Variants in KLHDC10 observed in about 807,000 individuals in gnomAD.
The protein encoded by KLHDC10 is kelch domain containing 10.
KLHDC10 carries 24 observed loss-of-function variants against 56.1 expected under a neutral mutation model. The observed-to-expected ratio is 0.43, with a 90% confidence interval of 0.31 to 0.60. The LOEUF (loss-of-function observed/expected upper bound fraction) is 0.60, where lower values mean the gene tolerates loss of function less well. KLHDC10 is among the 20% of genes least tolerant of loss of function. KLHDC10 has a pLI of 0.11. For missense variants in KLHDC10, 349 were observed against 567.0 expected (o/e 0.62, Z 3.91); for synonymous variants, 188 against 207.1 (o/e 0.91, Z 0.79).
intron 1 of KLHDC10, among the ~76,000 whole-genome samples, chr7:130,084,589 C>T (rs1330723603): frequency 6.6e-6 from 1 of 151,930 alleles, no homozygotes; most frequent in Admixed American, 6.6e-5. Flanking sequence ...GCCAGCCTGG[C>T]CAACATGGCG....
Position 130,133,288 on chromosome 7 carries a change from T to C in KLHDC10, c.*2542T>C, listed in dbSNP as rs1288475656. 1.3e-5 allele frequency: 2 copies of C among 152,246 alleles called. No individual in the cohort carries two copies. Among genetic ancestry groups the C allele is most frequent in the Non-Finnish European group, 2.9e-5 (2 of 68,048 alleles). 9.4% of individuals were successfully genotyped at this position (152,246 alleles called of 1,614,324 possible). Reference sequence around the variant, plus strand: ...AACCAGCACTCGGAATTCCTGACACTGTTTACTTGATTTAGGAAAGTTTAT... The same window carrying C: ...AACCAGCACTCGGAATTCCTGACACCGTTTACTTGATTTAGGAAAGTTTAT... On this transcript the variant is annotated 3_prime_UTR_variant, in exon 10 of 10. Transcript: ENST00000335420.
At position 130,130,812 on chromosome 7, in the gene KLHDC10, G is replaced by T; in HGVS notation, c.*66G>T. On this transcript the variant is annotated 3_prime_UTR_variant, in exon 10 of 10. Coordinates refer to ENST00000335420, the MANE Select transcript of KLHDC10 (RefSeq NM_014997.4). The surrounding 1 kb of genome is among the most constrained non-coding windows in gnomAD (Gnocchi z 4.2). ...AAAGAGACTCCTTTATTTATGGGCA[G>T]TGTAGAATGTGCTACAAAGAGGATT... is the stretch of plus-strand genomic sequence containing the variant. 1 of 1,445,698 alleles carries T rather than the reference G, an allele frequency of 6.9e-7. No homozygotes were observed. The highest frequency in any genetic ancestry group is 9.7e-7 in the Non-Finnish European group (1 of 1,029,146). The allele number at this position is 1,445,698 out of a possible 1,614,324, so 89.6% of individuals were successfully genotyped here. A position where few individuals can be genotyped will look rare whatever the true frequency, so the allele number is the denominator to read the frequency against.
chr7:130,115,248 A>C (rs1796151695), intron 2 of KLHDC10, among the ~76,000 whole-genome samples: 1 of 152,204 alleles, frequency 6.6e-6, no homozygotes, highest in Admixed American at 6.5e-5. Context: ...CTTTAGGGTC[A>C]CAACTATAGT....
chr7:130,117,514 AAC>A (rs1796183950), intron 3 of KLHDC10: 1 of 175,594 alleles, frequency 5.7e-6, no homozygotes, highest in Non-Finnish European at 1.2e-5. Flanking sequence ...TTGTCATTTC[AAC>A]AGTGTTCACA....
chr7:130,072,439 G>C (rs1395536414), intron 1 of KLHDC10, among the ~76,000 whole-genome samples: 1 of 152,226 alleles, frequency 6.6e-6, no homozygotes, highest in African/African-American at 2.4e-5. Flanking sequence ...CGGAGGTAAA[G>C]ATAAACGTGT....
chr7:130,085,117 G>A (rs1183582368), intron 1 of KLHDC10, among the ~76,000 whole-genome samples: 2 of 151,766 alleles, frequency 1.3e-5, no homozygotes, highest in Admixed American at 6.6e-5. Flanking sequence ...AGGCCGAGAC[G>A]AGGTTGGGAG....
intron 3 of KLHDC10, among the ~76,000 whole-genome samples, chr7:130,118,189 T>A (rs985364078): frequency 3.3e-5 from 5 of 151,940 alleles, no homozygotes; most frequent in Non-Finnish European, 7.4e-5. Flanking sequence ...AAAATAAAAA[T>A]AAAAAAAATT....
At chr7:130,112,024 T>G (rs1219207025) in intron 2 of KLHDC10, among the ~76,000 whole-genome samples, 4 of 152,254 alleles carry the variant, frequency 2.6e-5, no homozygotes, top group African/African-American at 7.2e-5. Context: ...GTATTGTATC[T>G]ATTAAAAATT....
At chr7:130,090,883 G>A (rs1419662711) in intron 1 of KLHDC10, among the ~76,000 whole-genome samples, 1 of 151,992 alleles carries the variant, frequency 6.6e-6, no homozygotes, top group Non-Finnish European at 1.5e-5. Flanking sequence ...AGGTTCCCTG[G>A]TGGTGCCCTG....
rs1394539940 is a variant in KLHDC10 at position 130,134,010 on chromosome 7, A to T, written c.*3264A>T. 2 of 152,222 alleles carry T rather than the reference A, an allele frequency of 1.3e-5. No homozygotes were observed. The highest frequency in any genetic ancestry group is 2.9e-5 in the Non-Finnish European group (2 of 68,036). 9.4% of individuals were successfully genotyped at this position (152,222 alleles called of 1,614,324 possible). A position where few individuals can be genotyped will look rare whatever the true frequency, so the allele number is the denominator to read the frequency against. On this transcript the variant is annotated 3_prime_UTR_variant, in exon 10 of 10. Coordinates refer to ENST00000335420, the MANE Select transcript of KLHDC10 (RefSeq NM_014997.4). The stretch of plus-strand genomic sequence containing the variant: ...CCCTTAAATAGCTAGATTTTAAAGC[A>T]TAATAAGCATATTAACATTTTTAAG...
chr7:130,128,888 AAAT>A (rs201863535), intron 8 of KLHDC10, among the ~76,000 whole-genome samples: 30 of 98,428 alleles, frequency 3.0e-4, no homozygotes, highest in East Asian at 5.2e-4. Context: ...AAAAAAAAAA[AAAT>A]ATATATATAT....
intron 2 of KLHDC10, among the ~76,000 whole-genome samples, chr7:130,101,969 TAA>T (rs10579051): frequency 0.14 from 10,073 of 73,202 alleles, 504 homozygotes; most frequent in East Asian, 0.33. Context: ...GACTCCCTCT[TAA>T]AAAAAAAAAA....
At chr7:130,118,259 T>C (rs1056182656) in intron 3 of KLHDC10, among the ~76,000 whole-genome samples, 6 of 152,248 alleles carry the variant, frequency 3.9e-5, no homozygotes, top group Non-Finnish European at 8.8e-5. Flanking sequence ...TGCTGTAGCT[T>C]CTGCATCAGC....
At chr7:130,128,852 T>A (rs1458141118) in intron 8 of KLHDC10, among the ~76,000 whole-genome samples, 2 of 112,140 alleles carry the variant, frequency 1.8e-5, no homozygotes, top group African/African-American at 3.4e-5. Flanking sequence ...CCAGCCTGGG[T>A]AATATAGTGA....
chr7:130,105,741 T>G (rs1795998530), intron 2 of KLHDC10, among the ~76,000 whole-genome samples: 1 of 152,254 alleles, frequency 6.6e-6, no homozygotes, highest in Non-Finnish European at 1.5e-5. Flanking sequence ...GGCTGTATTC[T>G]GTTTCTTGAC....
chr7:130,104,077 GA>G (rs1369336236), intron 2 of KLHDC10, among the ~76,000 whole-genome samples: 8 of 151,930 alleles, frequency 5.3e-5, no homozygotes, highest in Non-Finnish European at 1.2e-4. Flanking sequence ...AACAGAGCAA[GA>G]CTCCATCTCA....
At chr7:130,119,901 G>C (rs1015463610) in intron 3 of KLHDC10, among the ~76,000 whole-genome samples, 6 of 150,852 alleles carry the variant, frequency 4.0e-5, no homozygotes, top group African/African-American at 1.2e-4. Flanking sequence ...TTTTGAGAGA[G>C]AGAAAGAGCA....
rs199510930 is a variant in KLHDC10 at position 130,104,777 on chromosome 7, AAAC to A, written c.253+7774_253+7776del. Reference sequence around the variant, plus strand: ...TTGAGGGGAGGTGCTATGCACTTTTAAACAACCAGATCTTGTGAGAACTCATCA... The same window carrying A: ...TTGAGGGGAGGTGCTATGCACTTTTAAACCAGATCTTGTGAGAACTCATCA... On this transcript the variant is annotated intron_variant, in intron 2 of 9. Coordinates refer to ENST00000335420, the MANE Select transcript of KLHDC10 (RefSeq NM_014997.4). Among the ~76,000 whole-genome samples the A allele has an allele frequency of 1.1e-3, 164 of 152,288 alleles. 3 individuals carry two copies. The East Asian group carries it at 0.025, about 23-fold the overall frequency.
intron 2 of KLHDC10, among the ~76,000 whole-genome samples, chr7:130,112,881 C>T (rs779813135): frequency 6.6e-6 from 1 of 152,040 alleles, no homozygotes; most frequent in Non-Finnish European, 1.5e-5. Context: ...TTGCAGAGAT[C>T]GTGAAATTAT....
Sources: allele counts gnomAD v4.1 joint callset (sites outside exome capture counted in the v4.1 genomes callset), GRCh38; gene constraint gnomAD v4.1.1; non-coding constraint Gnocchi (gnomAD v3.1); transcripts MANE v1.5; gene names NCBI Gene and HGNC (gene_info 2026-07-23, HGNC 2026-07-21).